The following WWC1 variants were observed in gnomAD, a reference collection of about 807,000 sequenced individuals.
The protein encoded by WWC1 is protein KIBRA.
WWC1 carries 55 observed loss-of-function variants against 138.4 expected under a neutral mutation model. That is an observed-to-expected ratio of 0.40 (90% CI 0.32 to 0.50). The LOEUF (loss-of-function observed/expected upper bound fraction) is 0.50. Ranked by LOEUF, WWC1 falls within the 20% of genes least tolerant of loss-of-function variation. The pLI, the probability that WWC1 is intolerant of heterozygous loss-of-function variation, is 0.72. For missense variants in WWC1, 1,226 were observed against 1,420.4 expected, an observed-to-expected ratio of 0.86 and a Z score of 2.20; for synonymous variants, 524 against 564.9, an observed-to-expected ratio of 0.93 and a Z score of 1.03.
chr5:168,328,741 T>C (rs548713161), intron 1 of WWC1, among the ~76,000 whole-genome samples: 1 of 152,282 alleles, frequency 6.6e-6, no homozygotes, highest in South Asian at 2.1e-4. Flanking sequence ...TTCACCATAT[T>C]GGCCAGGCTG....
chr5:168,309,053 G>A (rs1413265394), intron 1 of WWC1, among the ~76,000 whole-genome samples: 1 of 152,052 alleles, frequency 6.6e-6, no homozygotes, highest in Non-Finnish European at 1.5e-5. Flanking sequence ...GCCTCAGAGC[G>A]AGGTTCCAGA....
intron 15 of WWC1, among the ~76,000 whole-genome samples, chr5:168,439,901 T>C (rs1325598063): frequency 6.6e-6 from 1 of 152,216 alleles, no homozygotes; most frequent in African/African-American, 2.4e-5. Flanking sequence ...GCATTTGTTG[T>C]CAATTTTTTA....
intron 1 of WWC1, among the ~76,000 whole-genome samples, chr5:168,297,149 G>A (rs774619631): frequency 4.6e-5 from 7 of 152,196 alleles, no homozygotes; most frequent in Non-Finnish European, 1.0e-4. Context: ...GTAAGTGAAG[G>A]TAGGTAGGGC....
chr5:168,377,143 G>T (rs561135187), intron 2 of WWC1, among the ~76,000 whole-genome samples: 1 of 152,270 alleles, frequency 6.6e-6, no homozygotes, highest in Non-Finnish European at 1.5e-5. Flanking sequence ...ACAGCTATTT[G>T]ATCTTCAACT....
intron 7 of WWC1, 110 bp from the exon 8 acceptor site, chr5:168,409,812 T>C: frequency 1.8e-6 from 2 of 1,134,096 alleles, no homozygotes; most frequent in Non-Finnish European, 2.7e-6. Flanking sequence ...CCGGGGGCTA[T>C]TCTTGGCTAC....
chr5:168,334,917 C>G (rs7725545), intron 1 of WWC1, among the ~76,000 whole-genome samples: 2 of 152,060 alleles, frequency 1.3e-5, no homozygotes. Flanking sequence ...ATCCTGGATA[C>G]GGAGAGGGTG....
chr5:168,414,612 G>A, intron 9 of WWC1, 22 bp downstream of exon 9: 1 of 1,538,464 alleles, frequency 6.5e-7, no homozygotes, highest in Non-Finnish European at 8.8e-7. Flanking sequence ...GCCCCAGGGT[G>A]TGTAGGACCC....
intron 19 of WWC1, among the ~76,000 whole-genome samples, chr5:168,458,176 A>G (rs1756498262): frequency 6.6e-6 from 1 of 152,182 alleles, no homozygotes; most frequent in African/African-American, 2.4e-5. Flanking sequence ...CAGCCAAAAA[A>G]TATATTTTCT....
At chr5:168,357,530 G>A (rs1019368088) in intron 1 of WWC1, among the ~76,000 whole-genome samples, 3 of 150,918 alleles carry the variant, frequency 2.0e-5, no homozygotes, top group Non-Finnish European at 4.4e-5. Flanking sequence ...GCATGCCAGG[G>A]TATTGTGTTC....
chr5:168,445,298 A>G (rs2152875419), intron 17 of WWC1, among the ~76,000 whole-genome samples: 1 of 152,060 alleles, frequency 6.6e-6, no homozygotes, highest in Non-Finnish European at 1.5e-5. Flanking sequence ...TGGGTGATAG[A>G]GCAAAAAAAC....
intron 1 of WWC1, among the ~76,000 whole-genome samples, chr5:168,340,139 AATCTCAG>A (rs1773926473): frequency 6.7e-6 from 1 of 149,318 alleles, no homozygotes; most frequent in Non-Finnish European, 1.5e-5. Flanking sequence ...GCAATGGTGG[AATCTCAG>A]CTCACTGCAA....
chr5:168,376,693 A>C (rs111412163), intron 2 of WWC1, among the ~76,000 whole-genome samples: 5,892 of 53,086 alleles, frequency 0.11, 197 homozygotes, highest in African/African-American at 0.3. Flanking sequence ...GCCACACACA[A>C]AAAAAAAATA....
chr5:168,399,769 G>A (rs1779176405), intron 5 of WWC1, among the ~76,000 whole-genome samples: 1 of 152,142 alleles, frequency 6.6e-6, no homozygotes. Flanking sequence ...GGAAAGGGGA[G>A]TCATTTCAGA....
In WWC1 at chr5:168,355,351, G is replaced by A. The variant is rs903935923; in HGVS notation, c.120-16073G>A. 1.4e-4 allele frequency among the ~76,000 whole-genome samples: 21 copies of A among 152,144 alleles called. No individual in the cohort carries two copies. The South Asian group carries it at 1.7e-3, about 12-fold the overall frequency. ...TCCACTAAAACTACAAAAATTAGCC[G>A]GGCATGGTGGTGGGGGCCTGGAATC... On this transcript the variant is annotated intron_variant, in intron 1 of 22. Coordinates refer to ENST00000265293, the MANE Select transcript of WWC1 (RefSeq NM_015238.3).
chr5:168,452,078 G>T (rs1425783006), intron 17 of WWC1, among the ~76,000 whole-genome samples: 1 of 151,920 alleles, frequency 6.6e-6, no homozygotes, highest in African/African-American at 2.4e-5. Flanking sequence ...GCTAATTTTT[G>T]TATTTTTAGT....
At chr5:168,449,930 G>T (rs996975240) in intron 17 of WWC1, among the ~76,000 whole-genome samples, 4 of 152,170 alleles carry the variant, frequency 2.6e-5, no homozygotes, top group Non-Finnish European at 4.4e-5. Context: ...GAGAGCCAAG[G>T]CCCCTCCACA....
intron 1 of WWC1, among the ~76,000 whole-genome samples, chr5:168,329,800 G>T (rs1205175972): frequency 6.6e-6 from 1 of 152,190 alleles, no homozygotes; most frequent in African/African-American, 2.4e-5. Context: ...ATGATAGAAA[G>T]CAATATTACT....
Position 168,423,589 on chromosome 5 carries a change from C to A in WWC1, c.1331C>A (p.Ser444Tyr). ...SSGSSPGSLT[S>Y]SRGSLVASSL... ...GGCAGCAGCCCCGGATCCCTCACGT[C>A]CAGCCGGGGCTCCCTGGTTGCATCC... Residue 444 changes from serine (S) to tyrosine (Y), a missense_variant, in exon 11 of 23, where the codon TCC becomes TAC. Transcript: ENST00000265293. 6.2e-7 allele frequency: 1 copy of A among 1,614,096 alleles called. No individual in the cohort carries two copies. The highest frequency in any genetic ancestry group is 8.5e-7 in the Non-Finnish European group (1 of 1,179,984).
chr5:168,451,021 T>C (rs1476764468), intron 17 of WWC1, among the ~76,000 whole-genome samples: 3 of 152,132 alleles, frequency 2.0e-5, no homozygotes, highest in Non-Finnish European at 4.4e-5. Flanking sequence ...ATTTTATTTA[T>C]TTATTTATTT....
Sources: allele counts gnomAD v4.1 joint callset (sites outside exome capture counted in the v4.1 genomes callset), GRCh38; gene constraint gnomAD v4.1.1; transcripts MANE v1.5; gene names NCBI Gene and HGNC (gene_info 2026-07-23, HGNC 2026-07-21).